The following USP40 variants were observed in gnomAD, a reference collection of about 807,000 sequenced individuals.
USP40 encodes the protein ubiquitin carboxyl-terminal hydrolase 40.
A neutral mutation model predicts 166.2 loss-of-function variants in USP40; 143 were observed. The observed-to-expected ratio is 0.86, with a 90% CI of 0.75 to 0.99. USP40 has a LOEUF of 0.99. Among genes scored for constraint, USP40 ranks in the 50% least tolerant of loss-of-function variants. The pLI, the probability that USP40 is intolerant of heterozygous loss-of-function variation, is 0.00. For missense variants in USP40, 1,444 were observed against 1,479.7 expected (o/e 0.98, Z 0.40); for synonymous variants, 498 against 524.0 (o/e 0.95, Z 0.68).
chr2:233,520,410 T>C (rs2067571163), intron 17 of USP40, among the ~76,000 whole-genome samples: 1 of 151,994 alleles, frequency 6.6e-6, no homozygotes, highest in African/African-American at 2.4e-5. Context: ...GAAAACAACA[T>C]TCTAGTAAGT....
chr2:233,517,437 A>T (rs7604337), intron 18 of USP40, among the ~76,000 whole-genome samples: 32,287 of 143,652 alleles, frequency 0.22, 3,676 homozygotes, highest in African/African-American at 0.28. Flanking sequence ...CAGGCTGGAG[A>T]GCAGTGGCGC....
At chr2:233,538,570 A>G (rs2125301758) in intron 10 of USP40, among the ~76,000 whole-genome samples, 1 of 152,364 alleles carries the variant, frequency 6.6e-6, no homozygotes, top group Admixed American at 6.5e-5. Flanking sequence ...CAAATTTGAC[A>G]CCTCAGATAA....
chr2:233,543,541 G>C (rs796281223), intron 8 of USP40, among the ~76,000 whole-genome samples: 3 of 152,284 alleles, frequency 2.0e-5, no homozygotes, highest in African/African-American at 7.2e-5. Context: ...AAGAGGTGGG[G>C]TCTTCAGGAG....
At chr2:233,553,404 C>T (rs1559281640) in intron 6 of USP40, among the ~76,000 whole-genome samples, 1 of 152,142 alleles carries the variant, frequency 6.6e-6, no homozygotes. Flanking sequence ...ATTCAGATGT[C>T]CATCTCCCTT....
rs977605382 is a variant in USP40 at position 233,486,676 on chromosome 2, A to C, written c.3198-699T>G. On this transcript the variant is annotated intron_variant, in intron 28 of 31. Transcript: ENST00000678225. The surrounding 1 kb of genome is among the most constrained non-coding windows in gnomAD (Gnocchi z 4.0). ...ATGATTTTTAGATGTACTTCTATTA[A>C]GTGTTTTTACCATCAAAAGAGGTCA... Among the ~76,000 whole-genome samples, 2 of 152,346 alleles carry C rather than the reference A, an allele frequency of 1.3e-5. No homozygotes were observed. The highest frequency in any genetic ancestry group is 4.8e-5 in the African/African-American group (2 of 41,582).
intron 10 of USP40, among the ~76,000 whole-genome samples, chr2:233,535,924 T>C (rs1409913330): frequency 6.6e-6 from 1 of 152,230 alleles, no homozygotes; most frequent in Admixed American, 6.5e-5. Flanking sequence ...GTATTTGAGA[T>C]GATGGATATG....
chr2:233,519,179 T>C (rs1019792548), intron 18 of USP40, among the ~76,000 whole-genome samples: 1 of 152,220 alleles, frequency 6.6e-6, no homozygotes, highest in Non-Finnish European at 1.5e-5. Flanking sequence ...GTGATGGTTA[T>C]AGAACTCTAC....
Position 233,481,228 on chromosome 2 carries a change from G to A in USP40, c.3574C>T (p.Gln1192Ter), listed in dbSNP as rs767951261. 3 of 1,608,024 alleles carry A rather than the reference G, an allele frequency of 1.9e-6. No homozygotes were observed. Among genetic ancestry groups the A allele is most frequent in the East Asian group, 2.2e-5 (1 of 44,838 alleles). Residue 1192 changes from glutamine to a stop codon, truncating the protein, a stop_gained, in exon 31 of 32, where the codon CAA (glutamine) becomes TAA (stop). Transcript: ENST00000678225. LOFTEE classifies it low-confidence loss of function (END_TRUNC). Reference sequence around the variant, plus strand: ...CTTTTCCTTCTCCCCAGGGCCCGTTGTTTCTGCTTTTCTTTTCCAGTGTCA... The same window carrying A: ...CTTTTCCTTCTCCCCAGGGCCCGTTATTTCTGCTTTTCTTTTCCAGTGTCA... ...RDDTGKEKQK[Q>*]RALGRRKSQE... is the part of the protein sequence containing the mutation.
Position 233,480,128 on chromosome 2 carries a change from C to T in USP40, c.3599+1075G>A, listed in dbSNP as rs536880411. 1.3e-5 allele frequency among the ~76,000 whole-genome samples: 2 copies of T among 152,328 alleles called. No individual in the cohort carries two copies. The highest frequency in any genetic ancestry group is 4.1e-4 in the South Asian group (2 of 4,826). On this transcript the variant is annotated intron_variant, in intron 31 of 31. Transcript: ENST00000678225. This position sits in a 1 kb window ranked among gnomAD's most constrained non-coding sequence, Gnocchi z 4.5. ...GGTCACGAGGTCACGCTCACCTGCC[C>T]TGCCACCTCCACCTGGGACCTCTCT...
At chr2:233,544,193 C>CTT (rs1320469503) in intron 8 of USP40, among the ~76,000 whole-genome samples, 1 of 152,132 alleles carries the variant, frequency 6.6e-6, no homozygotes, top group Non-Finnish European at 1.5e-5. Context: ...AACTCAGGAA[C>CTT]TTATACTACA....
At chr2:233,537,431 T>A (rs768936534) in intron 10 of USP40, among the ~76,000 whole-genome samples, 3 of 152,156 alleles carry the variant, frequency 2.0e-5, no homozygotes, top group Middle Eastern at 3.4e-3. Flanking sequence ...TCCAAAATTT[T>A]AAAAAAGACT....
chr2:233,488,495 C>T (rs576659560), intron 27 of USP40, among the ~76,000 whole-genome samples, 191 bp from the exon 28 acceptor site: 3 of 152,314 alleles, frequency 2.0e-5, no homozygotes, highest in Admixed American at 6.5e-5. Context: ...ATACTTGAGT[C>T]ATTTCTTACT....
At position 233,533,502 on chromosome 2, in the gene USP40, G is replaced by T; in HGVS notation, c.1448C>A (p.Ser483Tyr). Residue 483 changes from serine to tyrosine, a missense_variant, in exon 11 of 32, where the codon TCC becomes TAC. Transcript: ENST00000678225. ...ACCTTCAGGGGGTCTCTGCAACTGG[G>T]ATTTCCGATAAAACAACATGTAGGC... ...ESAYMLFYRK[S>Y]QLQRPPEARA... 1 of 1,613,462 alleles carries T rather than the reference G, an allele frequency of 6.2e-7. No individual in the cohort carries two copies. Among genetic ancestry groups the T allele is most frequent in the Non-Finnish European group, 8.5e-7 (1 of 1,179,566 alleles).
rs181067782 is a variant in USP40 at position 233,556,870 on chromosome 2, G to A, written c.531C>T (p.Asn177=). The A allele has an allele frequency of 8.7e-6, 14 of 1,609,620 alleles. No homozygotes were observed. Among genetic ancestry groups the A allele is most frequent in the East Asian group, 4.5e-5 (2 of 44,804 alleles). Residue 177 remains asparagine, a synonymous_variant, in exon 5 of 32, where the codon AAC becomes AAT. Coordinates refer to ENST00000678225, the MANE Select transcript of USP40 (RefSeq NM_001365479.2). ...VNQIVCKECK[N]VSERQEDFLD... Reference sequence around the variant, plus strand: ...GCATATTTACCTGCCTCTCGCTAACGTTCTTACATTCTTTACAAACAATCT... The same window carrying A: ...GCATATTTACCTGCCTCTCGCTAACATTCTTACATTCTTTACAAACAATCT...
In USP40 at chr2:233,477,469, G is replaced by C. The variant is rs768779949; in HGVS notation, c.3634C>G (p.Leu1212Val). 6.2e-6 allele frequency: 10 copies of C among 1,613,742 alleles called. No homozygotes were observed. Among genetic ancestry groups the C allele is most frequent in the Non-Finnish European group, 8.5e-6 (10 of 1,179,862 alleles). Reference sequence around the variant, plus strand: ...CGGGCAGGCGTCTCTGCACTGGAGAGGATGTAGCTGCTCTGCTCATGGAGG... The same window carrying C: ...CGGGCAGGCGTCTCTGCACTGGAGACGATGTAGCTGCTCTGCTCATGGAGG... The part of the protein sequence containing the change: ...EALHEQSSYI[L>V]SSAETPARPR... The change falls in exon 32 of 32, where the codon CTC becomes GTC. Residue 1212 changes from leucine (L) to valine (V), a missense_variant. By Grantham distance (32) the Leu-to-Val change is conservative. Coordinates refer to ENST00000678225, the MANE Select transcript of USP40 (RefSeq NM_001365479.2).
At chr2:233,481,417 C>G (rs1575208716) in intron 30 of USP40, 120 bp from the exon 31 acceptor site, 1 of 858,920 alleles carries the variant, frequency 1.2e-6, no homozygotes. Context: ...TTTACATAAA[C>G]TAGGTGAATA....
At position 233,477,026 on chromosome 2, in the gene USP40, A is replaced by C. The variant is rs1575200191; in HGVS notation, c.*366T>G. Reference sequence around the variant, plus strand: ...GAAAGTGGCTGGCCTGACCCCACACACCTCCCACAGCGGAGCAACGGCATG... The same window carrying C: ...GAAAGTGGCTGGCCTGACCCCACACCCCTCCCACAGCGGAGCAACGGCATG... On this transcript the variant is annotated 3_prime_UTR_variant, in exon 32 of 32. Transcript: ENST00000678225. 1 of 344,552 alleles carries C rather than the reference A, an allele frequency of 2.9e-6. No individual in the cohort carries two copies. Among genetic ancestry groups the C allele is most frequent in the Non-Finnish European group, 5.6e-6 (1 of 177,110 alleles). 21.3% of individuals were successfully genotyped at this position (344,552 alleles called of 1,614,324 possible). A position where few individuals can be genotyped will look rare whatever the true frequency, so the allele number is the denominator to read the frequency against.
intron 23 of USP40, among the ~76,000 whole-genome samples, chr2:233,498,007 A>G (rs567138226): frequency 2.6e-5 from 4 of 152,232 alleles, no homozygotes; most frequent in South Asian, 2.1e-4. Context: ...TTCTAAGGCT[A>G]CGCATTTGAA....
At chr2:233,479,608 T>TA (rs2064420007) in intron 31 of USP40, among the ~76,000 whole-genome samples, 1 of 149,872 alleles carries the variant, frequency 6.7e-6, no homozygotes, top group Non-Finnish European at 1.5e-5. Flanking sequence ...GTCTATGTAT[T>TA]AGACACGTAT....
Sources: allele counts gnomAD v4.1 joint callset (sites outside exome capture counted in the v4.1 genomes callset), GRCh38; gene constraint gnomAD v4.1.1; non-coding constraint Gnocchi (gnomAD v3.1); transcripts MANE v1.5; gene names NCBI Gene and HGNC (gene_info 2026-07-23, HGNC 2026-07-21).